The following FGGY variants were observed in gnomAD, a reference collection of about 807,000 sequenced individuals.
FGGY encodes the protein FGGY carbohydrate kinase domain-containing protein.
A neutral mutation model predicts 71.3 loss-of-function variants in FGGY; 72 were observed. The ratio of observed to expected loss-of-function variants is 1.01; its 90% CI spans 0.84 to 1.23. The LOEUF (loss-of-function observed/expected upper bound fraction) is 1.23, where lower values mean the gene tolerates loss of function less well. FGGY is among the 50% of genes most tolerant of loss of function. FGGY has a pLI of 0.00. For missense variants in FGGY, 668 were observed against 682.3 expected (o/e 0.98, Z 0.23); for synonymous variants, 251 against 250.3 (o/e 1.00, Z -0.02).
At chr1:59,617,193 C>T (rs1214695561) in intron 9 of FGGY, among the ~76,000 whole-genome samples, 3 of 151,488 alleles carry the variant, frequency 2.0e-5, no homozygotes, top group African/African-American at 7.3e-5. Context: ...GTCATAAATA[C>T]ACCACCTAAA....
intron 2 of FGGY, among the ~76,000 whole-genome samples, chr1:59,323,861 A>G (rs1327443889): frequency 1.3e-5 from 2 of 152,232 alleles, no homozygotes; most frequent in African/African-American, 2.4e-5. Flanking sequence ...TGAGCAGATT[A>G]TAGAAGATAG....
In FGGY at chr1:59,660,226, G is replaced by A; in HGVS notation, c.1229G>A (p.Gly410Glu). ...ADLTLKGMVT[G>E]LKLSQDLDDL... ...TTCCCTTCATGCCTGCAGGTCACCG[G>A]ATTGAAACTGTCTCAGGACCTTGAT... Residue 410 changes from glycine (G) to glutamate (E), a missense_variant, in exon 12 of 16, where the codon GGA becomes GAA. Coordinates refer to ENST00000303721, the MANE Select transcript of FGGY (RefSeq NM_018291.5). 6.2e-7 allele frequency: 1 copy of A among 1,613,436 alleles called. No homozygotes were observed. Among genetic ancestry groups the A allele is most frequent in the Non-Finnish European group, 8.5e-7 (1 of 1,179,970 alleles).
intron 1 of FGGY, among the ~76,000 whole-genome samples, chr1:59,316,810 GC>G (rs1428310870): frequency 1.3e-5 from 2 of 152,188 alleles, no homozygotes; most frequent in African/African-American, 4.8e-5. Flanking sequence ...ACGCAGCACA[GC>G]TTGAATTTCT....
At chr1:59,553,942 G>A (rs1037307831) in intron 7 of FGGY, 182 bp from the exon 8 acceptor site, 13 of 458,076 alleles carry the variant, frequency 2.8e-5, no homozygotes, top group African/African-American at 5.9e-5. Flanking sequence ...GCAGGCTTCC[G>A]AGGTTTCCTA....
chr1:59,535,374 T>A (rs1328033510), intron 7 of FGGY, among the ~76,000 whole-genome samples: 2 of 151,972 alleles, frequency 1.3e-5, no homozygotes, highest in South Asian at 4.1e-4. Flanking sequence ...CTCCCACACA[T>A]TAATAATGGG....
intron 6 of FGGY, among the ~76,000 whole-genome samples, chr1:59,464,200 G>A (rs1356751824): frequency 2.0e-5 from 3 of 152,200 alleles, no homozygotes; most frequent in Non-Finnish European, 4.4e-5. Context: ...TGGAACTCAG[G>A]ATTAAGAAAC....
chr1:59,654,695 C>G (rs1309197226), intron 11 of FGGY, among the ~76,000 whole-genome samples: 1 of 152,148 alleles, frequency 6.6e-6, no homozygotes, highest in Non-Finnish European at 1.5e-5. Context: ...GTCATTTCCA[C>G]AATTTATTGT....
At chr1:59,639,327 G>A (rs963588564) in intron 11 of FGGY, among the ~76,000 whole-genome samples, 1 of 152,162 alleles carries the variant, frequency 6.6e-6, no homozygotes, top group African/African-American at 2.4e-5. Flanking sequence ...AGGAAGACCT[G>A]AAATTTATTT....
intron 4 of FGGY, among the ~76,000 whole-genome samples, chr1:59,371,859 A>G (rs1326155809): frequency 6.6e-6 from 1 of 152,222 alleles, no homozygotes; most frequent in Non-Finnish European, 1.5e-5. Flanking sequence ...TTTGAAACCA[A>G]TGAGAACACA....
intron 14 of FGGY, among the ~76,000 whole-genome samples, chr1:59,696,848 A>T (rs375871727): frequency 1.3e-5 from 2 of 152,286 alleles, no homozygotes; most frequent in East Asian, 3.9e-4. Context: ...GCCCTTAGAG[A>T]TCATCCCACA....
intron 8 of FGGY, among the ~76,000 whole-genome samples, chr1:59,602,999 C>A (rs148744947): frequency 1.7e-4 from 26 of 152,238 alleles, no homozygotes; most frequent in Non-Finnish European, 3.1e-4. Context: ...ATACAGTATG[C>A]AACCAAAGTT....
At chr1:59,323,568 A>T (rs1570356064) in intron 2 of FGGY, among the ~76,000 whole-genome samples, 3 of 152,236 alleles carry the variant, frequency 2.0e-5, no homozygotes, top group Admixed American at 6.5e-5. Flanking sequence ...TAATAACACC[A>T]TAGGAATGAG....
At chr1:59,686,421 T>G (rs538599886) in intron 14 of FGGY, among the ~76,000 whole-genome samples, 82 of 152,332 alleles carry the variant, frequency 5.4e-4, no homozygotes, top group African/African-American at 1.9e-3. Context: ...CAGAGACTGC[T>G]GAACTTGGCA....
rs72911654 is a variant in FGGY, at chr1:59,303,528, A to T, written c.-15+6378A>T. 3.4e-3 allele frequency among the ~76,000 whole-genome samples: 525 copies of T among 152,238 alleles called. 2 individuals are homozygous for T. Among genetic ancestry groups the T allele is most frequent in the African/African-American group, 0.012 (503 of 41,570 alleles). ...CTGTGGACATTAAGGTTGTTTTCAT[A>T]TCTTAGTTATTGTGAGTAATGCTGC... On this transcript the variant is annotated intron_variant, in intron 1 of 15. Transcript: ENST00000303721.
intron 7 of FGGY, among the ~76,000 whole-genome samples, chr1:59,548,787 C>A (rs1253374057): frequency 6.6e-6 from 1 of 152,114 alleles, no homozygotes; most frequent in Non-Finnish European, 1.5e-5. Flanking sequence ...TCAGACAGTG[C>A]AAATATAGAA....
intron 8 of FGGY, among the ~76,000 whole-genome samples, chr1:59,562,744 A>C (rs1486792334): frequency 6.6e-6 from 1 of 152,216 alleles, no homozygotes; most frequent in African/African-American, 2.4e-5. Flanking sequence ...TGGAATCATG[A>C]AATGGGCACA....
intron 1 of FGGY, among the ~76,000 whole-genome samples, chr1:59,300,970 T>A (rs1360235087): frequency 6.6e-6 from 1 of 152,226 alleles, no homozygotes; most frequent in Non-Finnish European, 1.5e-5. Context: ...TATTTCCATA[T>A]GAATTTTATA....
At chr1:59,653,198 G>A (rs532675986) in intron 11 of FGGY, among the ~76,000 whole-genome samples, 131 of 152,358 alleles carry the variant, frequency 8.6e-4, no homozygotes, top group African/African-American at 3.1e-3. Context: ...GGTTACTGCT[G>A]TCTTTTTGTT....
rs77627454 is a variant in FGGY at position 59,703,178 on chromosome 1, G to A, written c.1512+29045G>A. Among the ~76,000 whole-genome samples, 1,216 of 152,244 alleles carry A rather than the reference G, an allele frequency of 8.0e-3. 26 individuals are homozygous for A. The highest frequency in any genetic ancestry group is 0.028 in the African/African-American group (1,171 of 41,538). On this transcript the variant is annotated intron_variant, in intron 14 of 15. Coordinates refer to ENST00000303721, the MANE Select transcript of FGGY (RefSeq NM_018291.5). ...ACTATTTGTCATAATTATTCCTGCAGCCCTTCATTGTTGCCTTTCTTCCTC... is the reference window on the plus strand; with the variant it reads ...ACTATTTGTCATAATTATTCCTGCAACCCTTCATTGTTGCCTTTCTTCCTC...
Sources: allele counts gnomAD v4.1 joint callset (sites outside exome capture counted in the v4.1 genomes callset), GRCh38; gene constraint gnomAD v4.1.1; transcripts MANE v1.5; gene names NCBI Gene and HGNC (gene_info 2026-07-23, HGNC 2026-07-21).